Variants in PTPRD observed in about 807,000 individuals in gnomAD.
PTPRD encodes the protein receptor-type tyrosine-protein phosphatase delta.
PTPRD carries 34 observed loss-of-function variants against 214.5 expected under a neutral mutation model. The ratio of observed to expected loss-of-function variants is 0.16; its 90% CI spans 0.12 to 0.21. The LOEUF (loss-of-function observed/expected upper bound fraction) is 0.21, where lower values mean the gene tolerates loss of function less well. Ranked by LOEUF, PTPRD falls within the 10% of genes least tolerant of loss-of-function variation. The pLI, the probability that PTPRD is intolerant of heterozygous loss-of-function variation, is 1.00. For synonymous variants in PTPRD, 1,128 were observed against 845.7 expected (o/e 1.33, Z -5.79); for missense variants, 2,545 against 2,398.7 (o/e 1.06, Z -1.27).
intron 12 of PTPRD, among the ~76,000 whole-genome samples, chr9:8,666,781 C>T (rs532543307): frequency 4.2e-4 from 64 of 152,284 alleles, no homozygotes; most frequent in African/African-American, 1.5e-3. Flanking sequence ...TCTAGCAGAA[C>T]ATAACTGCCC....
chr9:10,143,362 C>A (rs1447157127), intron 3 of PTPRD, among the ~76,000 whole-genome samples: 1 of 152,078 alleles, frequency 6.6e-6, no homozygotes, highest in Non-Finnish European at 1.5e-5. Context: ...AATGAGATAT[C>A]ATCTTACACC....
intron 11 of PTPRD, among the ~76,000 whole-genome samples, chr9:8,959,743 A>G (rs2099149441): frequency 6.6e-6 from 1 of 152,074 alleles, no homozygotes. Flanking sequence ...CAAATCCTCC[A>G]CTAAGCCAGA....
chr9:8,496,203 C>A lies in PTPRD; in HGVS notation c.2349+1039G>T, dbSNP rs549574672. Reference sequence around the variant, plus strand: ...ACACACACACACACACACACACACACACACACAAACACACACACACACACA... The same window carrying A: ...ACACACACACACACACACACACACAAACACACAAACACACACACACACACA... On this transcript the variant is annotated intron_variant, in intron 26 of 45. Transcript: ENST00000381196. 8.2e-3 allele frequency among the ~76,000 whole-genome samples: 1,052 copies of A among 128,564 alleles called. 13 individuals carry two copies. The highest frequency in any genetic ancestry group is 0.027 in the African/African-American group (997 of 36,988). The allele number at this position is 128,564 out of a possible 152,430, so 84.3% of individuals were successfully genotyped here. A position where few individuals can be genotyped will look rare whatever the true frequency, so the allele number is the denominator to read the frequency against.
intron 8 of PTPRD, among the ~76,000 whole-genome samples, chr9:9,476,945 G>T (rs572663980): frequency 1.3e-5 from 2 of 152,138 alleles, no homozygotes; most frequent in South Asian, 2.1e-4. Context: ...GTGTTAGTCA[G>T]GGTAGTCTCG....
intron 5 of PTPRD, among the ~76,000 whole-genome samples, chr9:9,829,455 A>G (rs1441050275): frequency 6.6e-6 from 1 of 151,864 alleles, no homozygotes; most frequent in Non-Finnish European, 1.5e-5. Flanking sequence ...TTAATATCCC[A>G]ATTCCTCTGG....
chr9:10,294,723 A>T (rs1376528366), intron 3 of PTPRD, among the ~76,000 whole-genome samples: 1 of 152,014 alleles, frequency 6.6e-6, no homozygotes, highest in East Asian at 1.9e-4. Context: ...TTATGTAGCT[A>T]GAATGTATCA....
intron 2 of PTPRD, among the ~76,000 whole-genome samples, chr9:10,413,656 T>C (rs1174733709): frequency 6.6e-6 from 1 of 151,796 alleles, no homozygotes; most frequent in Non-Finnish European, 1.5e-5. Context: ...GCGAAGGCAA[T>C]CTCGAGCAAA....
At chr9:9,931,820 T>G (rs1399740607) in intron 5 of PTPRD, among the ~76,000 whole-genome samples, 20 of 151,204 alleles carry the variant, frequency 1.3e-4, no homozygotes, top group Non-Finnish European at 2.9e-5. Flanking sequence ...CAGACTTAAA[T>G]GTCCCTGTCT....
intron 10 of PTPRD, 108 bp downstream of exon 10, chr9:9,183,196 A>G (rs2099929256): frequency 6.6e-6 from 1 of 151,986 alleles, no homozygotes; most frequent in Non-Finnish European, 1.5e-5. Context: ...TATTTTATCC[A>G]TCCATCCATC....
At chr9:8,949,149 G>A (rs954396548) in intron 11 of PTPRD, among the ~76,000 whole-genome samples, 2 of 150,922 alleles carry the variant, frequency 1.3e-5, no homozygotes, top group East Asian at 2.0e-4. Context: ...GCTTGAACCC[G>A]GGAGGTGGAG....
At chr9:9,748,378 G>A (rs1262437255) in intron 6 of PTPRD, among the ~76,000 whole-genome samples, 4 of 152,152 alleles carry the variant, frequency 2.6e-5, no homozygotes, top group Admixed American at 2.6e-4. Context: ...TTAATAAATT[G>A]TGCCATATTC....
intron 7 of PTPRD, among the ~76,000 whole-genome samples, chr9:9,589,920 G>A (rs770073936): frequency 3.7e-4 from 56 of 151,760 alleles, no homozygotes; most frequent in Non-Finnish European, 7.2e-4. Flanking sequence ...ATTTCTACAG[G>A]TCATCTCGGC....
chr9:8,408,417 G>A (rs1417568684), intron 35 of PTPRD, among the ~76,000 whole-genome samples: 5 of 151,952 alleles, frequency 3.3e-5, no homozygotes, highest in African/African-American at 1.2e-4. Flanking sequence ...TCTTCCATGG[G>A]ATACCCTTGC....
intron 10 of PTPRD, among the ~76,000 whole-genome samples, chr9:9,177,518 G>T (rs2028778): frequency 0.93 from 142,240 of 152,178 alleles, 66,488 homozygotes; most frequent in South Asian, 0.97. Context: ...AAATATATTA[G>T]AGCATAACTA....
At chr9:9,077,323 G>A (rs1002543472) in intron 10 of PTPRD, among the ~76,000 whole-genome samples, 2 of 151,718 alleles carry the variant, frequency 1.3e-5, no homozygotes, top group African/African-American at 2.4e-5. Flanking sequence ...AATACCATGG[G>A]TGTATATTTC....
chr9:8,356,061 A>C (rs115457947), intron 39 of PTPRD, among the ~76,000 whole-genome samples: 299 of 152,322 alleles, frequency 2.0e-3, no homozygotes, highest in African/African-American at 7.0e-3. Context: ...AGTTCAATGG[A>C]AAGGAGAGAC....
chr9:8,964,503 C>T (rs954446159), intron 11 of PTPRD, among the ~76,000 whole-genome samples: 3 of 151,754 alleles, frequency 2.0e-5, no homozygotes, highest in African/African-American at 7.3e-5. Context: ...TTTTAAAGAA[C>T]CAATTTTTGG....
intron 7 of PTPRD, among the ~76,000 whole-genome samples, chr9:9,679,569 A>T (rs908112151): frequency 6.6e-6 from 1 of 151,938 alleles, no homozygotes; most frequent in Non-Finnish European, 1.5e-5. Flanking sequence ...GGAATGCTTT[A>T]AACAGCATCA....
At chr9:9,259,646 C>T (rs980275953) in intron 9 of PTPRD, among the ~76,000 whole-genome samples, 12 of 151,944 alleles carry the variant, frequency 7.9e-5, no homozygotes, top group Non-Finnish European at 1.6e-4. Context: ...CCTTCATTCA[C>T]CTTTCAGGAA....
Sources: allele counts gnomAD v4.1 joint callset (sites outside exome capture counted in the v4.1 genomes callset), GRCh38; gene constraint gnomAD v4.1.1; transcripts MANE v1.5; gene names NCBI Gene and HGNC (gene_info 2026-07-23, HGNC 2026-07-21).